The following NTNG1 variants were observed in gnomAD, a reference collection of about 807,000 sequenced individuals.
NTNG1 encodes netrin-G1.
In NTNG1, 16 loss-of-function variants were observed where a neutral mutation model predicts 54.0. The ratio of observed to expected loss-of-function variants is 0.30; its 90% CI spans 0.20 to 0.45. The LOEUF is 0.45. NTNG1 is among the 20% of genes least tolerant of loss of function. The probability of loss-of-function intolerance (pLI) is 1.00; values close to 1 mark genes in which losing one functional copy is unlikely to be tolerated. For missense variants in NTNG1, 530 were observed against 678.7 expected, an observed-to-expected ratio of 0.78 and a Z score of 2.43; for synonymous variants, 255 against 263.1, an observed-to-expected ratio of 0.97 and a Z score of 0.30.
At chr1:107,386,149 G>GTATATA (rs1261491157) in intron 3 of NTNG1, among the ~76,000 whole-genome samples, 5 of 98,738 alleles carry the variant, frequency 5.1e-5, no homozygotes, top group Non-Finnish European at 1.1e-4. Flanking sequence ...ATATATGTGT[G>GTATATA]TATATATATA....
intron 3 of NTNG1, among the ~76,000 whole-genome samples, chr1:107,391,985 C>A (rs1225963639): frequency 6.6e-6 from 1 of 152,180 alleles, no homozygotes. Context: ...GAGAGGGATA[C>A]ATCATTCTTG....
chr1:107,180,160 A>G (rs1469856871), intron 2 of NTNG1, among the ~76,000 whole-genome samples: 1 of 152,184 alleles, frequency 6.6e-6, no homozygotes, highest in Non-Finnish European at 1.5e-5. Flanking sequence ...TGCAAAGCCC[A>G]TTAGGAAATA....
chr1:107,279,523 A>G (rs1664691018), intron 2 of NTNG1, among the ~76,000 whole-genome samples: 1 of 152,238 alleles, frequency 6.6e-6, no homozygotes. Flanking sequence ...CTAAGCCAGC[A>G]GCACAGATGC....
intron 2 of NTNG1, among the ~76,000 whole-genome samples, chr1:107,307,003 T>G (rs1181584570): frequency 6.6e-6 from 1 of 152,174 alleles, no homozygotes; most frequent in Non-Finnish European, 1.5e-5. Flanking sequence ...CTCACCTGAA[T>G]TTTAATTACT....
At chr1:107,154,494 G>A (rs895419784) in intron 2 of NTNG1, among the ~76,000 whole-genome samples, 4 of 151,150 alleles carry the variant, frequency 2.6e-5, no homozygotes, top group South Asian at 2.1e-4. Flanking sequence ...TACTTGGGAG[G>A]CTGAGGTGGG....
chr1:107,298,082 C>G lies in NTNG1; in HGVS notation c.247-26200C>G, dbSNP rs185781511. On this transcript the variant is annotated intron_variant, in intron 2 of 7. Coordinates refer to ENST00000370068, the MANE Select transcript of NTNG1 (RefSeq NM_001113226.3). ...GACTCAAAATATAATTGGCATAGAA[C>G]TCAGTCATGAAGATAAAACCTATAG... Among the ~76,000 whole-genome samples the G allele has an allele frequency of 1.2e-3, 190 of 152,190 alleles. 1 individual carries two copies. The highest frequency in any genetic ancestry group is 4.5e-3 in the African/African-American group (185 of 41,532).
At chr1:107,309,152 T>G (rs963420536) in intron 2 of NTNG1, among the ~76,000 whole-genome samples, 4 of 152,190 alleles carry the variant, frequency 2.6e-5, no homozygotes, top group Non-Finnish European at 5.9e-5. Flanking sequence ...CCTCCTTTCA[T>G]TTTATACTGC....
At chr1:107,409,651 A>T (rs1403574021) in intron 5 of NTNG1, 1 of 152,026 alleles carries the variant, frequency 6.6e-6, no homozygotes, top group East Asian at 1.9e-4. Context: ...CCTAATAAAA[A>T]CCCTCTGACT....
At chr1:107,153,914 CA>C (rs1244858788) in intron 2 of NTNG1, among the ~76,000 whole-genome samples, 2 of 152,196 alleles carry the variant, frequency 1.3e-5, no homozygotes, top group Non-Finnish European at 2.9e-5. Flanking sequence ...GCAAATGTAA[CA>C]AAACCTAAAA....
chr1:107,428,741 C>G (rs528020258), intron 5 of NTNG1, among the ~76,000 whole-genome samples: 1 of 152,206 alleles, frequency 6.6e-6, no homozygotes, highest in Non-Finnish European at 1.5e-5. Flanking sequence ...TTCAAACTCT[C>G]AAACATAGAA....
chr1:107,335,691 A>G (rs773927223), intron 3 of NTNG1, among the ~76,000 whole-genome samples: 1 of 151,854 alleles, frequency 6.6e-6, no homozygotes, highest in Non-Finnish European at 1.5e-5. Context: ...TACTCATTGT[A>G]TCGTCAGAAA....
At chr1:107,357,244 A>G (rs1479559432) in intron 3 of NTNG1, among the ~76,000 whole-genome samples, 1 of 152,172 alleles carries the variant, frequency 6.6e-6, no homozygotes, top group Non-Finnish European at 1.5e-5. Flanking sequence ...GAAAGAAATT[A>G]TTTTCTGCTG....
intron 2 of NTNG1, among the ~76,000 whole-genome samples, chr1:107,190,444 T>C (rs1368715858): frequency 6.6e-6 from 1 of 152,144 alleles, no homozygotes; most frequent in African/African-American, 2.4e-5. Context: ...ATTATTATTA[T>C]ACTTTAAGTT....
Position 107,315,286 on chromosome 1 carries a change from G to T in NTNG1, c.247-8996G>T, listed in dbSNP as rs545629602. On this transcript the variant is annotated intron_variant, in intron 2 of 7. Coordinates refer to ENST00000370068, the MANE Select transcript of NTNG1 (RefSeq NM_001113226.3). Reference sequence around the variant, plus strand: ...GCACCCCGTATCAAGCCACCAACATGCCTCATTCAGTGACTCTAGTAAACC... The same window carrying T: ...GCACCCCGTATCAAGCCACCAACATTCCTCATTCAGTGACTCTAGTAAACC... 1.2e-4 allele frequency among the ~76,000 whole-genome samples: 18 copies of T among 152,180 alleles called. No individual in the cohort carries two copies. In the East Asian group the frequency reaches 3.1e-3, roughly 26 times the overall value.
At chr1:107,429,278 T>C (rs1557992618) in intron 5 of NTNG1, among the ~76,000 whole-genome samples, 1 of 152,160 alleles carries the variant, frequency 6.6e-6, no homozygotes, top group Non-Finnish European at 1.5e-5. Context: ...GACCTTGTTA[T>C]CAGCTTCCTA....
intron 2 of NTNG1, among the ~76,000 whole-genome samples, chr1:107,281,246 CTG>C (rs1408772441): frequency 6.6e-6 from 1 of 152,066 alleles, no homozygotes; most frequent in African/African-American, 2.4e-5. Flanking sequence ...ATATAAAACA[CTG>C]TTACTTCAGA....
At chr1:107,324,971 A>G (rs780069668) in intron 3 of NTNG1, 49 bp downstream of exon 3, 230 of 1,527,470 alleles carry the variant, frequency 1.5e-4, no homozygotes, top group Non-Finnish European at 2.0e-4. Flanking sequence ...TGTCCAAAGA[A>G]AATGCCAGAG....
intron 2 of NTNG1, among the ~76,000 whole-genome samples, chr1:107,293,834 A>G (rs1472010656): frequency 6.6e-6 from 1 of 152,206 alleles, no homozygotes; most frequent in Non-Finnish European, 1.5e-5. Flanking sequence ...ATAGAGTGAA[A>G]TAATTTACTG....
At chr1:107,364,819 TA>T (rs1670499375) in intron 3 of NTNG1, among the ~76,000 whole-genome samples, 1 of 152,178 alleles carries the variant, frequency 6.6e-6, no homozygotes, top group Non-Finnish European at 1.5e-5. Flanking sequence ...AATTGTGTAG[TA>T]AAATACAGAA....
Sources: allele counts gnomAD v4.1 joint callset (sites outside exome capture counted in the v4.1 genomes callset), GRCh38; gene constraint gnomAD v4.1.1; transcripts MANE v1.5; gene names NCBI Gene and HGNC (gene_info 2026-07-23, HGNC 2026-07-21).